TET1: variants seen among roughly 807,000 people sequenced by gnomAD.
TET1 encodes methylcytosine dioxygenase TET1.
A neutral mutation model predicts 148.7 loss-of-function variants in TET1; 13 were observed. The observed-to-expected ratio is 0.09, with a 90% CI of 0.06 to 0.14. TET1 has a LOEUF of 0.14. TET1 is among the 10% of genes least tolerant of loss of function. The pLI, the probability that TET1 is intolerant of heterozygous loss-of-function variation, is 1.00. For synonymous variants in TET1, 907 were observed against 937.2 expected (o/e 0.97, Z 0.59); for missense variants, 2,182 against 2,553.8 (o/e 0.85, Z 3.14).
Position 68,575,838 on chromosome 10 carries a change from G to A in TET1, c.1914+1586G>A, listed in dbSNP as rs1439866226. Among the ~76,000 whole-genome samples the A allele has an allele frequency of 4.6e-5, 7 of 151,338 alleles. No homozygotes were observed. In the South Asian group the frequency reaches 6.3e-4, roughly 14 times the overall value. ...AGATCGAGACCATCCTGGCTAACAC[G>A]GTGAAACCCCGTCTCTACTAAAAAT... On this transcript the variant is annotated intron_variant, in intron 2 of 11. Transcript: ENST00000373644.
At chr10:68,641,400 T>A (rs1293957689) in intron 3 of TET1, among the ~76,000 whole-genome samples, 2 of 152,156 alleles carry the variant, frequency 1.3e-5, no homozygotes, top group Non-Finnish European at 2.9e-5. Context: ...AATTTCTATG[T>A]TTGTGACCTA....
At chr10:68,636,118 T>C (rs955014839) in intron 3 of TET1, among the ~76,000 whole-genome samples, 1 of 152,128 alleles carries the variant, frequency 6.6e-6, no homozygotes, top group African/African-American at 2.4e-5. Context: ...TTGAGGCAGA[T>C]TGGGTGGTCT....
At chr10:68,563,713 G>T (rs934396206) in intron 1 of TET1, among the ~76,000 whole-genome samples, 1 of 152,152 alleles carries the variant, frequency 6.6e-6, no homozygotes, top group African/African-American at 2.4e-5. Flanking sequence ...ACGGAGTCTC[G>T]CTCTGTCTCC....
chr10:68,570,923 G>C (rs533665339), intron 1 of TET1, among the ~76,000 whole-genome samples: 3 of 151,020 alleles, frequency 2.0e-5, no homozygotes, highest in African/African-American at 7.3e-5. Flanking sequence ...GTGAACCACC[G>C]CGCCTGGCCT....
chr10:68,647,490 G>C (rs2054868470), intron 4 of TET1, among the ~76,000 whole-genome samples: 1 of 152,042 alleles, frequency 6.6e-6, no homozygotes, highest in Admixed American at 6.6e-5. Flanking sequence ...TGCAATCCCA[G>C]CTACTCGGTT....
At chr10:68,627,958 A>G (rs1193991498) in intron 3 of TET1, among the ~76,000 whole-genome samples, 1 of 151,816 alleles carries the variant, frequency 6.6e-6, no homozygotes, top group Non-Finnish European at 1.5e-5. Context: ...GAAAGAAAGC[A>G]CTGCCGTGCC....
chr10:68,650,861 G>A (rs921216866), intron 4 of TET1, among the ~76,000 whole-genome samples: 1 of 152,070 alleles, frequency 6.6e-6, no homozygotes, highest in Non-Finnish European at 1.5e-5. Flanking sequence ...TTCAAGTGGT[G>A]CAGAAATACG....
intron 3 of TET1, among the ~76,000 whole-genome samples, chr10:68,639,126 A>C (rs1347678292): frequency 6.6e-6 from 1 of 152,092 alleles, no homozygotes; most frequent in Non-Finnish European, 1.5e-5. Context: ...TGAATGTCTT[A>C]TGAAGATTTT....
chr10:68,645,972 G>A lies in TET1; in HGVS notation c.3243G>A (p.Leu1081=). ...TQIEEDVATQ[L]TQLASIIKIN... is the part of the protein sequence containing the mutation. ...TTGAGGAAGATGTTGCAACACAGTT[G>A]ACACAACTTGCTTCGATAATTAAGA... Residue 1081 remains leucine (L), a synonymous_variant, in exon 4 of 12, where the codon TTG becomes TTA. Transcript: ENST00000373644. 1 of 1,613,964 alleles carries A rather than the reference G, an allele frequency of 6.2e-7. No individual in the cohort carries two copies. The highest frequency in any genetic ancestry group is 8.5e-7 in the Non-Finnish European group (1 of 1,180,016).
intron 7 of TET1, among the ~76,000 whole-genome samples, chr10:68,670,259 G>A (rs2055255120): frequency 6.6e-6 from 1 of 152,050 alleles, no homozygotes; most frequent in Non-Finnish European, 1.5e-5. Context: ...GTCCATGATT[G>A]AATGCATTTA....
intron 3 of TET1, among the ~76,000 whole-genome samples, chr10:68,603,527 T>A (rs550824580): frequency 3.3e-4 from 50 of 152,020 alleles, no homozygotes; most frequent in Non-Finnish European, 2.8e-4. Context: ...TCCCAGAACT[T>A]TGGGAGGCCA....
chr10:68,586,485 GT>G (rs11437924), intron 2 of TET1, among the ~76,000 whole-genome samples: 4 of 133,496 alleles, frequency 3.0e-5, no homozygotes, highest in African/African-American at 8.3e-5. Flanking sequence ...GCCAGCTAAC[GT>G]TTTTTTTTTT....
At position 68,605,607 on chromosome 10, in the gene TET1, G is replaced by A. The variant is rs58125112; in HGVS notation, c.1968+4573G>A. On this transcript the variant is annotated intron_variant, in intron 3 of 11. Transcript: ENST00000373644. Reference sequence around the variant, plus strand: ...TGGCTCACTGCAACCTCTGCCACCTGGGTTCAAATGATTCTCCTGCCTCAG... The same window carrying A: ...TGGCTCACTGCAACCTCTGCCACCTAGGTTCAAATGATTCTCCTGCCTCAG... Among the ~76,000 whole-genome samples the A allele has an allele frequency of 2.2e-3, 341 of 152,296 alleles. 2 individuals carry two copies. The highest frequency in any genetic ancestry group is 3.4e-3 in the Non-Finnish European group (230 of 68,018).
At chr10:68,686,814 A>G (rs976750870) in intron 11 of TET1, 107 bp downstream of exon 11, 3 of 991,444 alleles carry the variant, frequency 3.0e-6, no homozygotes, top group South Asian at 1.8e-5. Flanking sequence ...CACTGAATAT[A>G]TTTTTACATA....
chr10:68,586,311 G>A (rs1029011570), intron 2 of TET1, among the ~76,000 whole-genome samples: 110 of 152,202 alleles, frequency 7.2e-4, no homozygotes, highest in African/African-American at 2.5e-3. Flanking sequence ...CCTCATAGCT[G>A]GGATTACAGG....
At chr10:68,634,767 T>G (rs1273682439) in intron 3 of TET1, among the ~76,000 whole-genome samples, 1 of 152,038 alleles carries the variant, frequency 6.6e-6, no homozygotes, top group Non-Finnish European at 1.5e-5. Flanking sequence ...TTCTTTTTTG[T>G]TTGTTTGTTT....
intron 3 of TET1, among the ~76,000 whole-genome samples, chr10:68,642,457 A>T (rs1006627825): frequency 6.6e-6 from 1 of 152,044 alleles, no homozygotes; most frequent in African/African-American, 2.4e-5. Flanking sequence ...AATAAAGTAG[A>T]TAAATAAGGA....
intron 3 of TET1, among the ~76,000 whole-genome samples, chr10:68,603,454 T>G (rs1222558761): frequency 1.3e-5 from 2 of 152,150 alleles, no homozygotes; most frequent in East Asian, 3.8e-4. Flanking sequence ...TGGCATGTCT[T>G]ATATCCCTCT....
rs145566105 is a variant in TET1, at chr10:68,690,998, C to T, written c.5595C>T (p.Asp1865=). 3.1e-5 allele frequency: 50 copies of T among 1,614,110 alleles called. No individual in the cohort carries two copies. The highest frequency in any genetic ancestry group is 1.1e-4 in the African/African-American group (8 of 74,932). ...ASATPAPLKN[D]ATASCGFSER... is the part of the protein sequence containing the mutation. ...CCACACCAGCTCCACTGAAGAATGA[C>T]GCAACAGCCTCATGCGGGTTTTCAG... Residue 1865 remains aspartate, a synonymous_variant, in exon 12 of 12, where the codon GAC becomes GAT. Transcript: ENST00000373644.
Sources: allele counts gnomAD v4.1 joint callset (sites outside exome capture counted in the v4.1 genomes callset), GRCh38; gene constraint gnomAD v4.1.1; transcripts MANE v1.5; gene names NCBI Gene and HGNC (gene_info 2026-07-23, HGNC 2026-07-21).